SUCLG2: variants seen among roughly 807,000 people sequenced by gnomAD.
The protein encoded by SUCLG2 is succinate-CoA ligase GDP-forming subunit beta.
In SUCLG2, 42 loss-of-function variants were observed where a neutral mutation model predicts 47.9. The observed-to-expected ratio is 0.88, with a 90% CI of 0.69 to 1.14. The LOEUF is 1.14. Ranked by LOEUF, SUCLG2 falls within the 50% of genes most tolerant of loss-of-function variation. The pLI is 0.00. For synonymous variants in SUCLG2, 195 were observed against 197.3 expected (o/e 0.99, Z 0.10); for missense variants, 571 against 525.9 (o/e 1.09, Z -0.84).
chr3:67,374,902 TAAGA>T lies in SUCLG2; in HGVS notation c.*838_*841del. On this transcript the variant is annotated 3_prime_UTR_variant, in exon 11 of 11. Transcript: ENST00000307227. ...TGGTAGATTCTGGGAGGATGAGGAG[TAAGA>T]GAGAAACGAGGAGAGAAGATAGTGA... 1 of 985,208 alleles carries T rather than the reference TAAGA, an allele frequency of 1.0e-6. No homozygotes were observed. Among genetic ancestry groups the T allele is most frequent in the Non-Finnish European group, 1.2e-6 (1 of 829,828 alleles). 61.0% of individuals were successfully genotyped at this position (985,208 alleles called of 1,614,324 possible). A position where few individuals can be genotyped will look rare whatever the true frequency, so the allele number is the denominator to read the frequency against.
chr3:67,524,119 C>T lies in SUCLG2; in HGVS notation c.418-3485G>A, dbSNP rs540538941. Among the ~76,000 whole-genome samples the T allele has an allele frequency of 7.9e-5, 12 of 152,118 alleles. No homozygotes were observed. The South Asian group carries it at 2.3e-3, about 29-fold the overall frequency. The stretch of plus-strand genomic sequence containing the variant: ...GACATCGTCATGCCTTCCAAATGAC[C>T]GAGGATGACAGAGTATATTAGGAAG... On this transcript the variant is annotated intron_variant, in intron 4 of 10. Coordinates refer to ENST00000307227, the MANE Select transcript of SUCLG2 (RefSeq NM_003848.4).
chr3:67,395,435 C>T (rs924094492), intron 10 of SUCLG2, among the ~76,000 whole-genome samples: 1 of 152,186 alleles, frequency 6.6e-6, no homozygotes, highest in African/African-American at 2.4e-5. Context: ...AAGGCCATTA[C>T]ATAATGGTAA....
intron 2 of SUCLG2, among the ~76,000 whole-genome samples, chr3:67,544,882 A>G (rs1440824266): frequency 6.6e-6 from 1 of 152,232 alleles, no homozygotes; most frequent in African/African-American, 2.4e-5. Flanking sequence ...AAACTTCTAC[A>G]GATTAAAGTT....
At chr3:67,580,023 A>T in intron 2 of SUCLG2, among the ~76,000 whole-genome samples, 1 of 152,226 alleles carries the variant, frequency 6.6e-6, no homozygotes, top group East Asian at 1.9e-4. Context: ...TAAATGAGAA[A>T]CCATCAAATT....
chr3:67,632,702 A>G (rs1700947978), intron 1 of SUCLG2, among the ~76,000 whole-genome samples: 1 of 152,168 alleles, frequency 6.6e-6, no homozygotes, highest in South Asian at 2.1e-4. Flanking sequence ...TGAAATCATA[A>G]GGTAGGTAAA....
At chr3:67,421,834 G>C (rs902185564) in intron 9 of SUCLG2, among the ~76,000 whole-genome samples, 2 of 152,166 alleles carry the variant, frequency 1.3e-5, no homozygotes, top group Non-Finnish European at 2.9e-5. Context: ...AGACTGTCAA[G>C]AGAACTGAAT....
At chr3:67,582,251 T>A (rs1707899277) in intron 2 of SUCLG2, among the ~76,000 whole-genome samples, 1 of 152,180 alleles carries the variant, frequency 6.6e-6, no homozygotes, top group Non-Finnish European at 1.5e-5. Context: ...AGTTTTCCAA[T>A]CTTCACCCTC....
intron 2 of SUCLG2, among the ~76,000 whole-genome samples, chr3:67,597,401 A>G (rs139814299): frequency 2.6e-4 from 39 of 152,248 alleles, no homozygotes; most frequent in African/African-American, 7.7e-4. Flanking sequence ...GGGTTCCTGG[A>G]TGTCTTTGTT....
At chr3:67,385,940 G>A (rs1471062938) in intron 10 of SUCLG2, among the ~76,000 whole-genome samples, 1 of 152,266 alleles carries the variant, frequency 6.6e-6, no homozygotes, top group East Asian at 1.9e-4. Flanking sequence ...ATGGGATCTG[G>A]ACTTTTAAGG....
At chr3:67,391,653 G>C (rs578230831) in intron 10 of SUCLG2, among the ~76,000 whole-genome samples, 1 of 152,090 alleles carries the variant, frequency 6.6e-6, no homozygotes. Context: ...TTTTCATTCA[G>C]AATATTAGAG....
chr3:67,403,219 A>G (rs570415813), intron 9 of SUCLG2, among the ~76,000 whole-genome samples: 61 of 152,280 alleles, frequency 4.0e-4, no homozygotes, highest in African/African-American at 1.3e-3. Context: ...GTTTTGTTAG[A>G]CTTACTGAGA....
chr3:67,483,240 A>G (rs954903734), intron 9 of SUCLG2, among the ~76,000 whole-genome samples: 1 of 152,198 alleles, frequency 6.6e-6, no homozygotes, highest in African/African-American at 2.4e-5. Flanking sequence ...AAAACTTAAA[A>G]AAAAAAAATC....
chr3:67,437,237 T>A (rs1315730384), intron 9 of SUCLG2, among the ~76,000 whole-genome samples: 1 of 152,064 alleles, frequency 6.6e-6, no homozygotes, highest in Non-Finnish European at 1.5e-5. Context: ...TAGATGTGAG[T>A]CAGCAGGTAA....
chr3:67,399,177 T>G (rs1037920444), intron 10 of SUCLG2, among the ~76,000 whole-genome samples: 3 of 147,340 alleles, frequency 2.0e-5, no homozygotes, highest in African/African-American at 7.8e-5. Context: ...ATAATAATAA[T>G]AAAATAAAAA....
At chr3:67,403,476 G>C (rs1702735421) in intron 9 of SUCLG2, among the ~76,000 whole-genome samples, 1 of 152,102 alleles carries the variant, frequency 6.6e-6, no homozygotes, top group Admixed American at 6.5e-5. Flanking sequence ...CCTTGTACCA[G>C]GTACAGAATT....
At position 67,400,758 on chromosome 3, in the gene SUCLG2, T is replaced by C. The variant is rs1417205337; in HGVS notation, c.1156A>G (p.Lys386Glu). The C allele has an allele frequency of 6.2e-7, 1 of 1,611,704 alleles. No homozygotes were observed. Among genetic ancestry groups the C allele is most frequent in the African/African-American group, 1.3e-5 (1 of 74,802 alleles). The change falls in exon 10 of 11, where the codon AAG (lysine) becomes GAG (glutamate). Residue 386 changes from lysine (K) to glutamate (E), a missense_variant. By Grantham distance (56) the Lys-to-Glu change is moderately conservative. Transcript: ENST00000307227. ...ITKACRELEL[K>E]VPLVVRLEGT... ...TCAAGCCGGACCACCAGGGGCACCT[T>C]GAGTTCTAGCTCCCGGCAGGCTTTG...
At chr3:67,599,030 T>C (rs1008232709) in intron 2 of SUCLG2, among the ~76,000 whole-genome samples, 1 of 152,244 alleles carries the variant, frequency 6.6e-6, no homozygotes. Context: ...ATAATGATCC[T>C]AACTACCCAT....
At chr3:67,370,025 AAAAT>A (rs1247433072), downstream of SUCLG2, among the ~76,000 whole-genome samples, 1 of 152,202 alleles carries the variant, frequency 6.6e-6, no homozygotes, top group Non-Finnish European at 1.5e-5. Flanking sequence ...ATTTTTATAA[AAAAT>A]AAAAGTATGA....
chr3:67,413,346 T>G (rs1221786601), intron 9 of SUCLG2, among the ~76,000 whole-genome samples: 1 of 152,202 alleles, frequency 6.6e-6, no homozygotes, highest in Non-Finnish European at 1.5e-5. Flanking sequence ...TTCAGCATGA[T>G]GAAAGATGGG....
Sources: gnomAD v4.1 joint callset for allele counts (sites outside exome capture counted in the v4.1 genomes callset) on GRCh38, gnomAD v4.1.1 for gene constraint, MANE v1.5 for transcripts, NCBI Gene and HGNC (gene_info 2026-07-23, HGNC 2026-07-21) for gene names.